APBB1IP: variants seen among roughly 807,000 people sequenced by gnomAD.
APBB1IP encodes amyloid beta precursor protein binding family B member 1 interacting protein, also known as amyloid beta A4 precursor protein-binding family B member 1-interacting protein.
APBB1IP carries 27 observed loss-of-function variants against 64.9 expected under a neutral mutation model. That is an observed-to-expected ratio of 0.42 (90% CI 0.31 to 0.57). The LOEUF (loss-of-function observed/expected upper bound fraction) is 0.57. Ranked by LOEUF, APBB1IP falls within the 20% of genes least tolerant of loss-of-function variation. The pLI, the probability that APBB1IP is intolerant of heterozygous loss-of-function variation, is 0.20. For synonymous variants in APBB1IP, 392 were observed against 331.0 expected, an observed-to-expected ratio of 1.18 and a Z score of -2.00; for missense variants, 812 against 845.5, an observed-to-expected ratio of 0.96 and a Z score of 0.49.
intron 11 of APBB1IP, among the ~76,000 whole-genome samples, chr10:26,545,323 G>A (rs1836746065): frequency 6.7e-6 from 1 of 149,972 alleles, no homozygotes; most frequent in South Asian, 2.1e-4. Flanking sequence ...AGGATACAGG[G>A]AGGCATGTTA....
At chr10:26,439,235 C>G (rs530429942) in intron 2 of APBB1IP, among the ~76,000 whole-genome samples, 2 of 152,234 alleles carry the variant, frequency 1.3e-5, no homozygotes, top group African/African-American at 4.8e-5. Flanking sequence ...TCCGGGAGCC[C>G]CAGTCTCCCG....
intron 8 of APBB1IP, among the ~76,000 whole-genome samples, chr10:26,531,099 T>C (rs755312074): frequency 4.6e-5 from 7 of 152,162 alleles, no homozygotes; most frequent in Non-Finnish European, 1.0e-4. Context: ...ATGCCTGTAA[T>C]CCTAGCACTT....
intron 11 of APBB1IP, among the ~76,000 whole-genome samples, chr10:26,548,944 T>C (rs1312674066): frequency 6.6e-6 from 1 of 152,222 alleles, no homozygotes; most frequent in African/African-American, 2.4e-5. Flanking sequence ...AAGCTTCTAA[T>C]TTTTTCCCAT....
Position 26,477,020 on chromosome 10 carries a change from C to T in APBB1IP, c.1-15307C>T, listed in dbSNP as rs1204273093. ...TTCACCATATTGGCCAGGCTGGTCT[C>T]GAACTCCTGACCTCAGCTGATCCAC... On this transcript the variant is annotated intron_variant, in intron 2 of 14. Transcript: ENST00000376236. Among the ~76,000 whole-genome samples, 7 of 152,074 alleles carry T rather than the reference C, an allele frequency of 4.6e-5. No homozygotes were observed. In the South Asian group the frequency reaches 6.2e-4, roughly 14 times the overall value.
intron 11 of APBB1IP, among the ~76,000 whole-genome samples, chr10:26,553,583 AG>A (rs1836859127): frequency 6.6e-6 from 1 of 152,140 alleles, no homozygotes; most frequent in Admixed American, 6.5e-5. Flanking sequence ...ACTTGAGCCC[AG>A]GCGTTGGAAG....
intron 2 of APBB1IP, among the ~76,000 whole-genome samples, chr10:26,486,282 G>A (rs1050264511): frequency 6.6e-6 from 1 of 151,984 alleles, no homozygotes; most frequent in African/African-American, 2.4e-5. Flanking sequence ...ATATTGATGG[G>A]GAGTCTGGAA....
chr10:26,503,094 CT>C, intron 5 of APBB1IP, 102 bp from the exon 6 acceptor site: 1 of 1,071,686 alleles, frequency 9.3e-7, no homozygotes, highest in Non-Finnish European at 1.3e-6. Context: ...AATTTGGTAC[CT>C]TTTGTTAATA....
At chr10:26,545,272 C>T (rs578013426) in intron 11 of APBB1IP, among the ~76,000 whole-genome samples, 1 of 152,236 alleles carries the variant, frequency 6.6e-6, no homozygotes, top group African/African-American at 2.4e-5. Context: ...AGCCAATTTC[C>T]AAAATGCAAA....
intron 8 of APBB1IP, among the ~76,000 whole-genome samples, chr10:26,525,133 T>G (rs887685968): frequency 2.6e-5 from 4 of 151,400 alleles, no homozygotes; most frequent in African/African-American, 9.7e-5. Context: ...AAATTAAAAA[T>G]TAGCTGGGCG....
intron 10 of APBB1IP, among the ~76,000 whole-genome samples, chr10:26,538,721 T>C (rs1836660808): frequency 6.6e-6 from 1 of 151,968 alleles, no homozygotes. Flanking sequence ...TCTTCCCAGT[T>C]TTCTATAAAT....
intron 8 of APBB1IP, among the ~76,000 whole-genome samples, chr10:26,519,649 G>A (rs1836379348): frequency 6.6e-6 from 1 of 152,154 alleles, no homozygotes; most frequent in African/African-American, 2.4e-5. Context: ...CTGTAACATA[G>A]CGGGAAGCAG....
chr10:26,567,280 T>C lies in APBB1IP; in HGVS notation c.1793T>C (p.Leu598Pro), dbSNP rs1045509412. The C allele has an allele frequency of 8.9e-7, 1 of 1,124,414 alleles. No homozygotes were observed. Among genetic ancestry groups the C allele is most frequent in the Non-Finnish European group, 1.1e-6 (1 of 914,240 alleles). The allele number at this position is 1,124,414 out of a possible 1,614,324, so 69.7% of individuals were successfully genotyped here. The change falls in exon 15 of 15, where the codon CTG becomes CCG. Residue 598 changes from leucine (L) to proline (P), a missense_variant. By Grantham distance (98) the Leu-to-Pro change is moderately conservative. Around this residue, in one of 3 missense-constraint regions of APBB1IP, gnomAD observed 381 missense variants for 352.1 expected, o/e 1.08. Coordinates refer to ENST00000376236, the MANE Select transcript of APBB1IP (RefSeq NM_019043.4). ...TACGCAGGGATCGCGGGCTCAGAGCTGCCCCCGCCGCCGCCGCCGCCGCCC... is the reference window on the plus strand; with the variant it reads ...TACGCAGGGATCGCGGGCTCAGAGCCGCCCCCGCCGCCGCCGCCGCCGCCC... The part of the protein sequence containing the change: ...PSYAGIAGSE[L>P]PPPPPPPPAP...
intron 2 of APBB1IP, among the ~76,000 whole-genome samples, chr10:26,455,203 T>C (rs1018970520): frequency 6.6e-6 from 1 of 152,142 alleles, no homozygotes; most frequent in Non-Finnish European, 1.5e-5. Flanking sequence ...ATATGGGCCA[T>C]GGAGTAAAGT....
intron 2 of APBB1IP, among the ~76,000 whole-genome samples, chr10:26,468,250 CCTT>C (rs1835670981): frequency 6.6e-6 from 1 of 152,164 alleles, no homozygotes; most frequent in Admixed American, 6.6e-5. Context: ...TTCTTTGGCT[CCTT>C]ATTATTTTAT....
intron 9 of APBB1IP, among the ~76,000 whole-genome samples, chr10:26,535,531 C>T (rs964808693): frequency 6.6e-6 from 1 of 152,126 alleles, no homozygotes; most frequent in South Asian, 2.1e-4. Context: ...CCCTGCTTTG[C>T]TTTCAAATAG....
At chr10:26,540,117 A>G (rs944120104) in intron 10 of APBB1IP, among the ~76,000 whole-genome samples, 1 of 152,236 alleles carries the variant, frequency 6.6e-6, no homozygotes, top group African/African-American at 2.4e-5. Flanking sequence ...GCTCACATGC[A>G]CAGTATTTTT....
At chr10:26,508,495 T>G (rs1289536933) in intron 6 of APBB1IP, among the ~76,000 whole-genome samples, 1 of 151,982 alleles carries the variant, frequency 6.6e-6, no homozygotes, top group African/African-American at 2.4e-5. Flanking sequence ...TTATAAAAAA[T>G]TATAAAAGTT....
At chr10:26,517,678 TG>T (rs1453295023) in intron 8 of APBB1IP, among the ~76,000 whole-genome samples, 1 of 152,258 alleles carries the variant, frequency 6.6e-6, no homozygotes, top group Non-Finnish European at 1.5e-5. Flanking sequence ...AGCTTTGCTT[TG>T]GCTCAACTCT....
intron 11 of APBB1IP, among the ~76,000 whole-genome samples, chr10:26,543,058 G>A (rs998136461): frequency 5.3e-5 from 8 of 150,716 alleles, no homozygotes; most frequent in African/African-American, 1.5e-4. Context: ...CAACAGTGCT[G>A]CTGTCAAGAA....
Sources: gnomAD v4.1 joint callset for allele counts (sites outside exome capture counted in the v4.1 genomes callset) on GRCh38, gnomAD v4.1.1 for gene constraint, gnomAD v4.1.1 regional missense constraint, MANE v1.5 for transcripts, NCBI Gene and HGNC (gene_info 2026-07-23, HGNC 2026-07-21) for gene names.